The following EML5 variants were observed in gnomAD, a reference collection of about 807,000 sequenced individuals.
EML5 encodes the protein EMAP like 5.
Under a neutral mutation model 250.0 loss-of-function variants are expected in EML5, and 120 were observed. The observed-to-expected ratio is 0.48, with a 90% confidence interval of 0.41 to 0.56. The LOEUF is 0.56. EML5 is among the 20% of genes least tolerant of loss of function. The pLI is 0.00. For missense variants in EML5, 2,006 were observed against 2,437.6 expected (o/e 0.82, Z 3.73); for synonymous variants, 771 against 806.5 (o/e 0.96, Z 0.75).
intron 28 of EML5, among the ~76,000 whole-genome samples, chr14:88,649,509 T>C (rs1057190817): frequency 2.1e-4 from 32 of 152,316 alleles, no homozygotes; most frequent in African/African-American, 7.7e-4. Context: ...ACAAATACCA[T>C]AGTTACCCTC....
intron 7 of EML5, among the ~76,000 whole-genome samples, chr14:88,731,176 C>T (rs559799163): frequency 6.6e-6 from 1 of 151,888 alleles, no homozygotes; most frequent in South Asian, 2.1e-4. Context: ...CTCATTAACT[C>T]GTCATTTACA....
intron 1 of EML5, among the ~76,000 whole-genome samples, chr14:88,764,596 T>C (rs993991828): frequency 6.6e-6 from 1 of 152,194 alleles, no homozygotes; most frequent in Non-Finnish European, 1.5e-5. Flanking sequence ...ATTGTCTTCA[T>C]TATTTCCTAC....
At chr14:88,784,568 C>A (rs905999327) in intron 1 of EML5, among the ~76,000 whole-genome samples, 31 of 152,036 alleles carry the variant, frequency 2.0e-4, no homozygotes, top group African/African-American at 7.0e-4. Flanking sequence ...ACATATACAA[C>A]CTACCAAGAT....
chr14:88,691,609 T>C (rs371859882), intron 17 of EML5, among the ~76,000 whole-genome samples: 104 of 152,206 alleles, frequency 6.8e-4, no homozygotes, highest in African/African-American at 2.4e-3. Context: ...AGGGGAGAGA[T>C]TAATAAATCA....
rs567833094 is a variant in EML5, at chr14:88,715,187, G to A, written c.1196C>T (p.Thr399Met). The A allele has an allele frequency of 1.3e-4, 200 of 1,588,336 alleles. 3 individuals carry two copies. In the South Asian group the frequency reaches 1.5e-3, roughly 12 times the overall value. ...CCTATCTTTAATATGTACAACTTCC[G>A]TCATATCTCTGTTAAAAAGAAAAAA... Reference protein sequence around the residue: ...SFTVLRVRDMTEVVHIKDRKE... With the variant: ...SFTVLRVRDMMEVVHIKDRKE... The change falls in exon 9 of 44, where the codon ACG (threonine) becomes ATG (methionine). Residue 399 changes from threonine to methionine, a missense_variant. Transcript: ENST00000554922.
intron 16 of EML5, among the ~76,000 whole-genome samples, chr14:88,694,786 A>T (rs1365027611): frequency 6.6e-6 from 1 of 152,188 alleles, no homozygotes; most frequent in East Asian, 1.9e-4. Context: ...TAATTTGAGC[A>T]TTATCTATAT....
rs1883440757 is a variant in EML5 at position 88,744,065 on chromosome 14, G to A, written c.483C>T (p.Tyr161=). 9 of 1,572,942 alleles carry A rather than the reference G, an allele frequency of 5.7e-6. No individual in the cohort carries two copies. Among genetic ancestry groups the A allele is most frequent in the Non-Finnish European group, 7.8e-6 (9 of 1,156,078 alleles). ...DRIFDISWDL[Y]QPNKLVSCGV... is the part of the protein sequence containing the mutation. ...CACAGCTGACAAGTTTATTTGGCTG[G>A]TACAAATCCCAAGAAATATCAAATA... The change falls in exon 4 of 44, where the codon TAC becomes TAT. Residue 161 remains tyrosine (Y), a synonymous_variant. Transcript: ENST00000554922.
At chr14:88,710,814 T>C (rs1425538954) in intron 10 of EML5, among the ~76,000 whole-genome samples, 3 of 152,220 alleles carry the variant, frequency 2.0e-5, no homozygotes, top group Non-Finnish European at 4.4e-5. Flanking sequence ...AATAATCTCT[T>C]AGACAAGACT....
chr14:88,729,548 T>C lies in EML5; in HGVS notation c.1050-2870A>G, dbSNP rs181268150. Among the ~76,000 whole-genome samples, 206 of 151,954 alleles carry C rather than the reference T, an allele frequency of 1.4e-3. 1 individual carries two copies. The highest frequency in any genetic ancestry group is 4.4e-3 in the African/African-American group (180 of 41,306). The stretch of plus-strand genomic sequence containing the variant: ...AAAGTTTTATGGAAGTATAGGCATA[T>C]ACTTATTTGGTTTTTTGTTTTTTGT... On this transcript the variant is annotated intron_variant, in intron 7 of 43. Transcript: ENST00000554922.
At chr14:88,789,875 A>T (rs560039265) in intron 1 of EML5, among the ~76,000 whole-genome samples, 1 of 152,256 alleles carries the variant, frequency 6.6e-6, no homozygotes, top group South Asian at 2.1e-4. Context: ...TATTTGACCA[A>T]TAAGTTTTAC....
At chr14:88,725,320 A>G (rs2093650694) in intron 8 of EML5, among the ~76,000 whole-genome samples, 2 of 152,176 alleles carry the variant, frequency 1.3e-5, no homozygotes. Context: ...TATATTATAT[A>G]TTTTACCACA....
In EML5 at chr14:88,702,536, C is replaced by G. The variant is rs780305187; in HGVS notation, c.2148G>C (p.Gln716His). Residue 716 changes from glutamine to histidine, a missense_variant, in exon 14 of 44, where the codon CAG (glutamine) becomes CAC (histidine). Physicochemically the swap from Gln to His is conservative, Grantham distance 24. Transcript: ENST00000554922. ...VAAVGVIYNR[Q>H]QNTQRFYLGH... Reference sequence around the variant, plus strand: ...CCAGATAAAAACGCTGTGTGTTTTGCTGTCGATTATAAATGACACCCACTG... The same window carrying G: ...CCAGATAAAAACGCTGTGTGTTTTGGTGTCGATTATAAATGACACCCACTG... 25 of 1,613,168 alleles carry G rather than the reference C, an allele frequency of 1.5e-5. No homozygotes were observed. Among genetic ancestry groups the G allele is most frequent in the Non-Finnish European group, 1.7e-5 (20 of 1,179,532 alleles).
chr14:88,788,898 GA>G (rs10708422), intron 1 of EML5, among the ~76,000 whole-genome samples: 81,656 of 136,410 alleles, frequency 0.6, 24,856 homozygotes, highest in East Asian at 0.93. Context: ...CATCTTTACC[GA>G]AAAAAAAAAA....
chr14:88,729,748 A>G (rs767439587), intron 7 of EML5, among the ~76,000 whole-genome samples: 1 of 151,894 alleles, frequency 6.6e-6, no homozygotes, highest in Non-Finnish European at 1.5e-5. Context: ...TTTAGTAGAG[A>G]CAGGGTTTTG....
At chr14:88,733,613 A>T (rs915392729) in intron 7 of EML5, among the ~76,000 whole-genome samples, 5 of 152,214 alleles carry the variant, frequency 3.3e-5, no homozygotes, top group African/African-American at 1.2e-4. Context: ...CAGAGCACAG[A>T]GTGAGGTAAG....
At chr14:88,721,298 C>T (rs966445946) in intron 8 of EML5, among the ~76,000 whole-genome samples, 7 of 151,974 alleles carry the variant, frequency 4.6e-5, no homozygotes, top group African/African-American at 9.7e-5. Context: ...AAATAGAGCC[C>T]GTACAGCCAA....
In EML5 at chr14:88,681,972, A is replaced by G. The variant is rs551720992; in HGVS notation, c.3042T>C (p.Ala1014=). The change falls in exon 21 of 44, where the codon GCT becomes GCC. Residue 1014 remains alanine (A), a synonymous_variant. Transcript: ENST00000554922. ...LATHPYLPIC[A]TVSDDKTLRI... Reference sequence around the variant, plus strand: ...TTAAGGTTTTATCATCGCTTACAGTAGCACAGATGGGCAGATAAGGGTGTG... The same window carrying G: ...TTAAGGTTTTATCATCGCTTACAGTGGCACAGATGGGCAGATAAGGGTGTG... 8 of 1,613,640 alleles carry G rather than the reference A, an allele frequency of 5.0e-6. No individual in the cohort carries two copies. Among genetic ancestry groups the G allele is most frequent in the Admixed American group, 1.7e-5 (1 of 59,958 alleles).
chr14:88,755,733 C>T (rs1187947061), intron 1 of EML5, among the ~76,000 whole-genome samples: 2 of 152,020 alleles, frequency 1.3e-5, no homozygotes, highest in Non-Finnish European at 2.9e-5. Context: ...CGGCTCATGC[C>T]TATAATATCA....
At chr14:88,639,004 C>G in intron 31 of EML5, 97 bp from the exon 32 acceptor site, 1 of 900,396 alleles carries the variant, frequency 1.1e-6, no homozygotes, top group South Asian at 1.7e-5. Flanking sequence ...AACTTATTTG[C>G]TTATTCAAAA....
Sources: allele counts gnomAD v4.1 joint callset (sites outside exome capture counted in the v4.1 genomes callset), GRCh38; gene constraint gnomAD v4.1.1; transcripts MANE v1.5; gene names NCBI Gene and HGNC (gene_info 2026-07-23, HGNC 2026-07-21).